TMEM220: variants seen among roughly 807,000 people sequenced by gnomAD.
TMEM220 encodes transmembrane protein 220.
In TMEM220, 21 loss-of-function variants were observed where a neutral mutation model predicts 21.7. The ratio of observed to expected loss-of-function variants is 0.97; its 90% CI spans 0.69 to 1.39. The LOEUF (loss-of-function observed/expected upper bound fraction) is 1.39. Among genes scored for constraint, TMEM220 ranks in the 40% most tolerant of loss-of-function variants. The pLI is 0.00. For missense variants in TMEM220, 191 were observed against 201.9 expected, an observed-to-expected ratio of 0.95 and a Z score of 0.33; for synonymous variants, 80 against 73.6, an observed-to-expected ratio of 1.09 and a Z score of -0.45.
chr17:10,728,909 T>C (rs1405745810), intron 2 of TMEM220, 122 bp downstream of exon 2: 1 of 1,076,772 alleles, frequency 9.3e-7, no homozygotes, highest in African/African-American at 1.6e-5. Flanking sequence ...TCCCAAGGGT[T>C]TGATTTTTAA....
intron 5 of TMEM220, among the ~76,000 whole-genome samples, chr17:10,717,383 G>C (rs2074934465): frequency 6.6e-6 from 1 of 152,144 alleles, no homozygotes; most frequent in Non-Finnish European, 1.5e-5. Flanking sequence ...AACATAAATG[G>C]ATGCTGAATT....
intron 5 of TMEM220, chr17:10,716,228 G>T: frequency 1.2e-6 from 1 of 853,574 alleles, no homozygotes; most frequent in Non-Finnish European, 1.9e-6. Flanking sequence ...AAAGAAATGT[G>T]TTCATCTCCA....
chr17:10,718,425 A>G (rs1448579655), intron 5 of TMEM220, among the ~76,000 whole-genome samples: 1 of 151,714 alleles, frequency 6.6e-6, no homozygotes, highest in African/African-American at 2.4e-5. Flanking sequence ...TTAATTCTCT[A>G]TTTTTATGTT....
At chr17:10,729,747 G>C (rs750022107) in intron 1 of TMEM220, 33 bp downstream of exon 1, 92 of 1,332,228 alleles carry the variant, frequency 6.9e-5, no homozygotes, top group Non-Finnish European at 8.3e-5. Flanking sequence ...GCTGGGAGCC[G>C]GGCGGGTCCC....
In TMEM220 at chr17:10,729,865, C is replaced by G; in HGVS notation, c.-14G>C. 1 of 1,311,616 alleles carries G rather than the reference C, an allele frequency of 7.6e-7. No individual in the cohort carries two copies. The highest frequency in any genetic ancestry group is 9.7e-7 in the Non-Finnish European group (1 of 1,026,378). 81.2% of individuals were successfully genotyped at this position (1,311,616 alleles called of 1,614,324 possible). A position where few individuals can be genotyped will look rare whatever the true frequency, so the allele number is the denominator to read the frequency against. On this transcript the variant is annotated 5_prime_UTR_variant, in exon 1 of 6. Coordinates refer to ENST00000341871, the MANE Select transcript of TMEM220 (RefSeq NM_001004313.3). ...CGCTGGCGCCATGGCTCGGAGAACA[C>G]GGCGCGGGGCGGTGAGTCCTGCCAC...
rs1428803968 is a variant in TMEM220, at chr17:10,714,441, T to G, written c.*1012A>C. 1 of 152,074 alleles carries G rather than the reference T, an allele frequency of 6.6e-6. No individual in the cohort carries two copies. Among genetic ancestry groups the G allele is most frequent in the Non-Finnish European group, 1.5e-5 (1 of 68,010 alleles). 9.4% of individuals were successfully genotyped at this position (152,074 alleles called of 1,614,324 possible). On this transcript the variant is annotated 3_prime_UTR_variant, in exon 6 of 6. Coordinates refer to ENST00000341871, the MANE Select transcript of TMEM220 (RefSeq NM_001004313.3). The stretch of plus-strand genomic sequence containing the variant: ...ACTTTGGACATCCATTTATAAAGAA[T>G]GTATATAGATTTTGACCTTATTTCT...
chr17:10,725,027 G>T lies in TMEM220; in HGVS notation c.271C>A (p.His91Asn). 3 of 1,614,128 alleles carry T rather than the reference G, an allele frequency of 1.9e-6. No homozygotes were observed. Among genetic ancestry groups the T allele is most frequent in the Non-Finnish European group, 1.7e-6 (2 of 1,180,022 alleles). ...ACCGCTCACCTGCCTTCTTCCTCAT[G>T]TAAGATGTTCTGTTGTGTACGATGC... is the stretch of plus-strand genomic sequence containing the variant. The part of the protein sequence containing the change: ...LLHRTQQNIL[H>N]EEEGRELSGL... The change falls in exon 4 of 6, where the codon CAT (histidine) becomes AAT (asparagine). Residue 91 changes from histidine (H) to asparagine (N), a missense_variant. Physicochemically the swap from His to Asn is moderately conservative, Grantham distance 68 (BLOSUM62 1). Coordinates refer to ENST00000341871, the MANE Select transcript of TMEM220 (RefSeq NM_001004313.3).
chr17:10,729,984 C>T lies in TMEM220; in HGVS notation c.-133G>A. On this transcript the variant is annotated 5_prime_UTR_variant, in exon 1 of 6. It adds an upstream start codon to the 5' untranslated region. Coordinates refer to ENST00000341871, the MANE Select transcript of TMEM220 (RefSeq NM_001004313.3). ...CCTCGGTTTCGGTGCCTTGGGGACA[C>T]TGCCGTGGCCGTCGCTCCGCCCGGG... 1 of 1,191,992 alleles carries T rather than the reference C, an allele frequency of 8.4e-7. No individual in the cohort carries two copies. Among genetic ancestry groups the T allele is most frequent in the Non-Finnish European group, 1.0e-6 (1 of 973,174 alleles). The allele number at this position is 1,191,992 out of a possible 1,614,324, so 73.8% of individuals were successfully genotyped here. A position where few individuals can be genotyped will look rare whatever the true frequency, so the allele number is the denominator to read the frequency against.
chr17:10,722,244 C>T (rs2075001857), intron 5 of TMEM220, among the ~76,000 whole-genome samples: 1 of 152,200 alleles, frequency 6.6e-6, no homozygotes, highest in Non-Finnish European at 1.5e-5. Flanking sequence ...ATCCGCCTGC[C>T]TCGGCCTCCC....
chr17:10,726,713 G>T (rs1214158489), intron 2 of TMEM220, among the ~76,000 whole-genome samples: 1 of 152,178 alleles, frequency 6.6e-6, no homozygotes, highest in Non-Finnish European at 1.5e-5. Context: ...CTGCATCTCT[G>T]TGAGACCACA....
At chr17:10,716,060 T>G (rs404399) in intron 5 of TMEM220, 4 of 682,754 alleles carry the variant, frequency 5.9e-6, no homozygotes, top group Non-Finnish European at 1.0e-5. Flanking sequence ...CATGTCCACA[T>G]CAATATTCAG....
intron 3 of TMEM220, among the ~76,000 whole-genome samples, chr17:10,725,607 C>T (rs453516): frequency 0.49 from 75,113 of 151,974 alleles, 19,307 homozygotes; most frequent in African/African-American, 0.64. Context: ...GGCTGCAGGG[C>T]CACTGTGTGG....
intron 5 of TMEM220, chr17:10,715,966 A>T: frequency 2.6e-6 from 1 of 385,772 alleles, no homozygotes; most frequent in Non-Finnish European, 4.8e-6. Context: ...TTTATTAAAG[A>T]TAATCATTTA....
chr17:10,729,872 G>T lies in TMEM220; in HGVS notation c.-21C>A, dbSNP rs1172697667. Reference sequence around the variant, plus strand: ...GCCATGGCTCGGAGAACACGGCGCGGGGCGGTGAGTCCTGCCACGTGCGGG... The same window carrying T: ...GCCATGGCTCGGAGAACACGGCGCGTGGCGGTGAGTCCTGCCACGTGCGGG... On this transcript the variant is annotated 5_prime_UTR_variant, in exon 1 of 6. Coordinates refer to ENST00000341871, the MANE Select transcript of TMEM220 (RefSeq NM_001004313.3). The T allele has an allele frequency of 7.7e-7, 1 of 1,292,688 alleles. No homozygotes were observed. Among genetic ancestry groups the T allele is most frequent in the Non-Finnish European group, 9.8e-7 (1 of 1,022,898 alleles). The allele number at this position is 1,292,688 out of a possible 1,614,324, so 80.1% of individuals were successfully genotyped here. A position where few individuals can be genotyped will look rare whatever the true frequency, so the allele number is the denominator to read the frequency against.
downstream of TMEM220, among the ~76,000 whole-genome samples, chr17:10,711,423 A>G (rs1342213490): frequency 4.6e-5 from 7 of 151,854 alleles, no homozygotes; most frequent in Non-Finnish European, 1.0e-4. Context: ...GCCCTACCTG[A>G]TTTTTTTTAA....
Position 10,729,997 on chromosome 17 carries a change from C to G in TMEM220, c.-146G>C, listed in dbSNP as rs2075110064. On this transcript the variant is annotated 5_prime_UTR_variant, in exon 1 of 6. Coordinates refer to ENST00000341871, the MANE Select transcript of TMEM220 (RefSeq NM_001004313.3). ...GCCTTGGGGACACTGCCGTGGCCGT[C>G]GCTCCGCCCGGGGGCGGGGAGCGAA... is the stretch of plus-strand genomic sequence containing the variant. The G allele has an allele frequency of 9.3e-7, 1 of 1,075,276 alleles. No individual in the cohort carries two copies. The highest frequency in any genetic ancestry group is 4.4e-5 in the African/African-American group (1 of 22,814). 66.6% of individuals were successfully genotyped at this position (1,075,276 alleles called of 1,614,324 possible). A position where few individuals can be genotyped will look rare whatever the true frequency, so the allele number is the denominator to read the frequency against.
chr17:10,724,880 T>A, intron 4 of TMEM220, 131 bp downstream of exon 4: 1 of 1,259,984 alleles, frequency 7.9e-7, no homozygotes, highest in Non-Finnish European at 1.1e-6. Context: ...AAGAAGATAA[T>A]ACCTTGCCTC....
intron 2 of TMEM220, 161 bp from the exon 3 acceptor site, chr17:10,726,425 T>C (rs2075050337): frequency 3.1e-6 from 2 of 652,538 alleles, no homozygotes; most frequent in Non-Finnish European, 5.5e-6. Flanking sequence ...TAGATTCTCC[T>C]TTTGTGGCAC....
At chr17:10,712,454 G>T (rs753740860), downstream of TMEM220, among the ~76,000 whole-genome samples, 11 of 152,158 alleles carry the variant, frequency 7.2e-5, no homozygotes, top group Non-Finnish European at 1.3e-4. Context: ...GTATCTCTCT[G>T]AGGGCCACTG....
Sources: gnomAD v4.1 joint callset for allele counts (sites outside exome capture counted in the v4.1 genomes callset) on GRCh38, gnomAD v4.1.1 for gene constraint, MANE v1.5 for transcripts, NCBI Gene and HGNC (gene_info 2026-07-23, HGNC 2026-07-21) for gene names.